The following IFT88 variants were observed in gnomAD, a reference collection of about 807,000 sequenced individuals.
IFT88 encodes the protein intraflagellar transport protein 88 homolog.
A neutral mutation model predicts 119.5 loss-of-function variants in IFT88; 74 were observed. That is an observed-to-expected ratio of 0.62 (90% confidence interval 0.51 to 0.75). The LOEUF (loss-of-function observed/expected upper bound fraction) is 0.75. Among genes scored for constraint, IFT88 ranks in the 30% least tolerant of loss-of-function variants. The pLI is 0.00. For synonymous variants in IFT88, 279 were observed against 316.7 expected (o/e 0.88, Z 1.26); for missense variants, 961 against 977.7 (o/e 0.98, Z 0.23).
chr13:20,648,350 C>T (rs542751712), intron 20 of IFT88, among the ~76,000 whole-genome samples: 27 of 152,216 alleles, frequency 1.8e-4, no homozygotes, highest in African/African-American at 6.0e-4. Context: ...GAGCAGAGAT[C>T]GCACCACTGC....
At chr13:20,671,279 A>G (rs2140991664) in intron 24 of IFT88, among the ~76,000 whole-genome samples, 1 of 152,330 alleles carries the variant, frequency 6.6e-6, no homozygotes, top group Non-Finnish European at 1.5e-5. Context: ...ATTAATAAAC[A>G]AGTTTTTCAT....
At chr13:20,574,929 G>A (rs2037082142) in intron 2 of IFT88, among the ~76,000 whole-genome samples, 1 of 152,022 alleles carries the variant, frequency 6.6e-6, no homozygotes, top group African/African-American at 2.4e-5. Context: ...TAGGGTTTCT[G>A]TTACATCAAG....
chr13:20,644,980 A>G (rs779714658), intron 20 of IFT88, 22 bp downstream of exon 20: 3 of 1,129,100 alleles, frequency 2.7e-6, no homozygotes, highest in Non-Finnish European at 4.0e-6. Flanking sequence ...TTAGGATTTT[A>G]TGTTTAGTTA....
At chr13:20,676,969 C>G (rs2056751665) in intron 24 of IFT88, among the ~76,000 whole-genome samples, 1 of 152,178 alleles carries the variant, frequency 6.6e-6, no homozygotes, top group South Asian at 2.1e-4. Flanking sequence ...TTTTTACCCT[C>G]TTTCCCTTCC....
intron 21 of IFT88, among the ~76,000 whole-genome samples, 198 bp downstream of exon 21, chr13:20,654,126 A>G (rs2140544486): frequency 6.6e-6 from 1 of 152,360 alleles, no homozygotes; most frequent in Admixed American, 6.5e-5. Flanking sequence ...ATGGGTATTA[A>G]TCATGTATTC....
Position 20,622,076 on chromosome 13 carries a change from T to C in IFT88, c.1200-3674T>C, listed in dbSNP as rs867522955. ...CACAATGCTTGGGACCAGAAGTGTT[T>C]TGGATTTTGAGGTTTCTTGGATTTT... On this transcript the variant is annotated intron_variant, in intron 14 of 25. Transcript: ENST00000351808. Among the ~76,000 whole-genome samples the C allele has an allele frequency of 6.6e-5, 10 of 152,302 alleles. No individual in the cohort carries two copies. In the Middle Eastern group the frequency reaches 0.014, roughly 207 times the overall value.
At chr13:20,589,938 A>G in intron 4 of IFT88, 71 bp downstream of exon 4, 1 of 855,134 alleles carries the variant, frequency 1.2e-6, no homozygotes, top group Admixed American at 1.9e-5. Flanking sequence ...GCAGTTCTGA[A>G]TAATTTTATT....
In IFT88 at chr13:20,608,120, A is replaced by G. The variant is rs544177837; in HGVS notation, c.1112+3015A>G. Reference sequence around the variant, plus strand: ...CACTTCCAGTACAGCTGGCAGAGCTACCCAAACTCTTAGTTTGAACCACTA... The same window carrying G: ...CACTTCCAGTACAGCTGGCAGAGCTGCCCAAACTCTTAGTTTGAACCACTA... On this transcript the variant is annotated intron_variant, in intron 13 of 25. Coordinates refer to ENST00000351808, the MANE Select transcript of IFT88 (RefSeq NM_006531.5). 5 of 461,132 alleles carry G rather than the reference A, an allele frequency of 1.1e-5. No individual in the cohort carries two copies. The East Asian group carries it at 2.0e-4, about 18-fold the overall frequency. The allele number at this position is 461,132 out of a possible 1,614,324, so 28.6% of individuals were successfully genotyped here.
Position 20,597,101 on chromosome 13 carries a change from T to G in IFT88, c.576T>G (p.Asn192Lys). ...AAGTTACAACTCCAGAAAATATCAA[T>G]TTGGATTTAACTTACTCAGTAAGTA... ...REQVTTPENI[N>K]LDLTYSVLFN... The change falls in exon 9 of 26, where the codon AAT becomes AAG. Residue 192 changes from asparagine (N) to lysine (K), a missense_variant. Physicochemically the swap from Asn to Lys is moderately conservative, Grantham distance 94 (BLOSUM62 0). Transcript: ENST00000351808. 1.3e-6 allele frequency: 2 copies of G among 1,592,126 alleles called. No individual in the cohort carries two copies. Among genetic ancestry groups the G allele is most frequent in the Middle Eastern group, 1.7e-4 (1 of 6,028 alleles).
chr13:20,653,562 T>C (rs1313335543), intron 20 of IFT88, among the ~76,000 whole-genome samples: 1 of 151,938 alleles, frequency 6.6e-6, no homozygotes. Context: ...TAAAAGATTA[T>C]AGCAAAAGTA....
At chr13:20,641,430 T>C in intron 18 of IFT88, 32 bp downstream of exon 18, 1 of 1,303,474 alleles carries the variant, frequency 7.7e-7, no homozygotes, top group Non-Finnish European at 1.1e-6. Context: ...GGGACAGTTA[T>C]TAATTCTCTC....
intron 12 of IFT88, among the ~76,000 whole-genome samples, chr13:20,604,624 C>CT (rs1389362556): frequency 1.3e-5 from 2 of 152,126 alleles, no homozygotes; most frequent in African/African-American, 4.8e-5. Context: ...TTTACTCTCC[C>CT]TTTTTTAAAA....
At chr13:20,588,525 T>C (rs544653502) in intron 3 of IFT88, among the ~76,000 whole-genome samples, 30 of 152,340 alleles carry the variant, frequency 2.0e-4, no homozygotes, top group African/African-American at 7.0e-4. Context: ...ATGTCTGCAC[T>C]ACTCAGTATG....
At chr13:20,608,132 A>C in intron 13 of IFT88, 1 of 450,384 alleles carries the variant, frequency 2.2e-6, no homozygotes, top group Non-Finnish European at 4.4e-6. Flanking sequence ...CCAAACTCTT[A>C]GTTTGAACCA....
chr13:20,634,063 C>G (rs2048636073), intron 16 of IFT88, among the ~76,000 whole-genome samples: 1 of 152,102 alleles, frequency 6.6e-6, no homozygotes, highest in Non-Finnish European at 1.5e-5. Flanking sequence ...GAACTGTTGT[C>G]CAGGGCAACT....
chr13:20,687,135 A>G (rs1000369690), intron 24 of IFT88, among the ~76,000 whole-genome samples: 2 of 152,110 alleles, frequency 1.3e-5, no homozygotes, highest in Non-Finnish European at 2.9e-5. Context: ...ACATTGGTCA[A>G]GTCGGGATGT....
At chr13:20,637,959 C>T (rs191316084) in intron 16 of IFT88, among the ~76,000 whole-genome samples, 5 of 152,290 alleles carry the variant, frequency 3.3e-5, no homozygotes, top group African/African-American at 4.8e-5. Flanking sequence ...TAGTAGGTGA[C>T]GCAGCCAGTG....
At chr13:20,687,128 T>C (rs10507293) in intron 24 of IFT88, among the ~76,000 whole-genome samples, 32,120 of 151,254 alleles carry the variant, frequency 0.21, 3,937 homozygotes, top group African/African-American at 0.31. Context: ...TGTAAAAACA[T>C]TGGTCAAGTC....
chr13:20,646,296 C>CTTT (rs57699433), intron 20 of IFT88, among the ~76,000 whole-genome samples: 8 of 137,308 alleles, frequency 5.8e-5, no homozygotes, highest in East Asian at 2.1e-4. Flanking sequence ...CCAATAAAAT[C>CTTT]TTTTTTTTTT....
Sources: allele counts gnomAD v4.1 joint callset (sites outside exome capture counted in the v4.1 genomes callset), GRCh38; gene constraint gnomAD v4.1.1; transcripts MANE v1.5; gene names NCBI Gene and HGNC (gene_info 2026-07-23, HGNC 2026-07-21).